The following LIMS1 variants were observed in gnomAD, a reference collection of about 807,000 sequenced individuals.
LIMS1 encodes the protein LIM zinc finger domain containing 1, also known as LIM and senescent cell antigen-like-containing domain protein 1.
LIMS1 carries 18 observed loss-of-function variants against 44.1 expected under a neutral mutation model. The observed-to-expected ratio is 0.41, with a 90% CI of 0.28 to 0.61. The LOEUF is 0.61. LIMS1 is among the 20% of genes least tolerant of loss of function. The probability of loss-of-function intolerance (pLI) is 0.32; values close to 1 mark genes in which losing one functional copy is unlikely to be tolerated. For missense variants in LIMS1, 201 were observed against 422.0 expected, an observed-to-expected ratio of 0.48 and a Z score of 4.59; for synonymous variants, 93 against 149.1, an observed-to-expected ratio of 0.62 and a Z score of 2.74.
chr2:108,618,430 G>GT (rs1292223980), intron 1 of LIMS1, among the ~76,000 whole-genome samples: 2 of 152,184 alleles, frequency 1.3e-5, no homozygotes, highest in Non-Finnish European at 2.9e-5. Flanking sequence ...TGTCCTGGGT[G>GT]TTTGCCCATC....
chr2:108,585,012 G>A (rs11895586), intron 1 of LIMS1, among the ~76,000 whole-genome samples: 13 of 152,006 alleles, frequency 8.6e-5, no homozygotes, highest in Non-Finnish European at 1.5e-4. Context: ...TTAGCCGAGC[G>A]TGGTGGCACG....
Position 108,557,579 on chromosome 2 carries a change from C to T in LIMS1, c.32+22985C>T, listed in dbSNP as rs148779522. On this transcript the variant is annotated intron_variant, in intron 1 of 9. Transcript: ENST00000544547. ...TTGCCCTGGCTAGAGTGCAGTGGCA[C>T]AATCTGGGCTCACTGCAACCTCTAC... is the stretch of plus-strand genomic sequence containing the variant. 3.2e-3 allele frequency among the ~76,000 whole-genome samples: 488 copies of T among 151,644 alleles called. 1 individual carries two copies. Among genetic ancestry groups the T allele is most frequent in the Non-Finnish European group, 5.2e-3 (354 of 67,932 alleles).
chr2:108,580,291 A>G (rs1685836929), intron 1 of LIMS1, among the ~76,000 whole-genome samples: 1 of 152,194 alleles, frequency 6.6e-6, no homozygotes, highest in African/African-American at 2.4e-5. Context: ...CTAGTCTTTG[A>G]GAAATAGTAT....
chr2:108,612,301 T>C (rs1465484417), intron 1 of LIMS1, among the ~76,000 whole-genome samples: 1 of 152,078 alleles, frequency 6.6e-6, no homozygotes, highest in Admixed American at 6.6e-5. Flanking sequence ...TGGTATGAAG[T>C]GTTCTCAGAG....
chr2:108,676,074 T>G, intron 6 of LIMS1, 46 bp downstream of exon 6: 1 of 1,563,722 alleles, frequency 6.4e-7, no homozygotes, highest in Non-Finnish European at 8.7e-7. Context: ...CAAATCTCCA[T>G]GATTAAGGGG....
intron 1 of LIMS1, among the ~76,000 whole-genome samples, chr2:108,643,691 G>A (rs59946778): frequency 0.41 from 62,146 of 151,584 alleles, 14,630 homozygotes; most frequent in East Asian, 0.94. Flanking sequence ...TGGAAAGGAG[G>A]GCTGAAGCCA....
intron 1 of LIMS1, among the ~76,000 whole-genome samples, chr2:108,546,140 C>G (rs567637220): frequency 1.3e-5 from 2 of 152,096 alleles, no homozygotes; most frequent in Non-Finnish European, 2.9e-5. Flanking sequence ...TCCAAAAGTA[C>G]ATTGTCTGTG....
In LIMS1 at chr2:108,611,854, T is replaced by TAC. The variant is rs1553459759; in HGVS notation, c.33-47745_33-47744dup. 2.4e-3 allele frequency among the ~76,000 whole-genome samples: 305 copies of TAC among 125,242 alleles called. 5 individuals are homozygous for TAC. The highest frequency in any genetic ancestry group is 7.2e-3 in the African/African-American group (266 of 36,700). The allele number at this position is 125,242 out of a possible 152,430, so 82.2% of individuals were successfully genotyped here. A position where few individuals can be genotyped will look rare whatever the true frequency, so the allele number is the denominator to read the frequency against. ...GATCTAAAATATATATATATATATATACACACATATATATACACATATATA... is the reference window on the plus strand; with the variant it reads ...GATCTAAAATATATATATATATATATACACACACATATATATACACATATATA... On this transcript the variant is annotated intron_variant, in intron 1 of 9. Coordinates refer to ENST00000544547, the Ensembl canonical transcript of LIMS1.
chr2:108,630,388 T>C (rs956217852), intron 1 of LIMS1, among the ~76,000 whole-genome samples: 6 of 152,156 alleles, frequency 3.9e-5, no homozygotes, highest in African/African-American at 1.4e-4. Flanking sequence ...GATCCAATGA[T>C]ACAATGTAGG....
intron 1 of LIMS1, among the ~76,000 whole-genome samples, chr2:108,657,365 A>G (rs1690948707): frequency 6.6e-6 from 1 of 152,424 alleles, no homozygotes; most frequent in South Asian, 2.1e-4. Context: ...GAGAGGGTTT[A>G]GAATTAACAA....
intron 8 of LIMS1, among the ~76,000 whole-genome samples, chr2:108,678,826 C>G (rs552102414): frequency 4.1e-4 from 63 of 152,232 alleles, no homozygotes; most frequent in Non-Finnish European, 7.9e-4. Flanking sequence ...AATTATTTAC[C>G]TAGTTCATAT....
intron 9 of LIMS1, among the ~76,000 whole-genome samples, chr2:108,682,577 C>T (rs956448755): frequency 6.6e-6 from 1 of 152,058 alleles, no homozygotes; most frequent in African/African-American, 2.4e-5. Flanking sequence ...TAATTTTTTT[C>T]TTTTATCAAA....
chr2:108,605,060 G>A (rs1258518269), intron 1 of LIMS1, among the ~76,000 whole-genome samples: 3 of 152,230 alleles, frequency 2.0e-5, no homozygotes, highest in Non-Finnish European at 4.4e-5. Flanking sequence ...ACAGGAATGT[G>A]TCTTGGGCTC....
intron 1 of LIMS1, among the ~76,000 whole-genome samples, chr2:108,613,651 G>A (rs1687778058): frequency 6.6e-6 from 1 of 152,130 alleles, no homozygotes; most frequent in African/African-American, 2.4e-5. Context: ...CAGAGAGAGG[G>A]GTCCTCAGCA....
chr2:108,676,434 A>T (rs11691112), intron 6 of LIMS1, among the ~76,000 whole-genome samples, 172 bp from the exon 7 acceptor site: 4 of 152,014 alleles, frequency 2.6e-5, no homozygotes, highest in Admixed American at 2.0e-4. Flanking sequence ...TCAAAGACAG[A>T]CACCTGAATT....
chr2:108,649,442 A>G (rs1478534827), intron 1 of LIMS1, among the ~76,000 whole-genome samples: 1 of 152,226 alleles, frequency 6.6e-6, no homozygotes, highest in Non-Finnish European at 1.5e-5. Context: ...CTAGAACTAG[A>G]AATACCATTT....
rs541044341 is a variant in LIMS1 at position 108,645,666 on chromosome 2, G to A, written c.33-13939G>A. 4.8e-3 allele frequency among the ~76,000 whole-genome samples: 736 copies of A among 152,214 alleles called. 8 individuals carry two copies. Among genetic ancestry groups the A allele is most frequent in the Middle Eastern group, 0.017 (5 of 294 alleles). ...CAATATTAACCTTAAATGTAAACGG[G>A]CTAAATGCCCCAATTAAAAGACACA... On this transcript the variant is annotated intron_variant, in intron 1 of 9. Coordinates refer to ENST00000544547, the Ensembl canonical transcript of LIMS1.
chr2:108,663,367 T>C (rs1321940157), intron 2 of LIMS1, among the ~76,000 whole-genome samples: 1 of 152,148 alleles, frequency 6.6e-6, no homozygotes, highest in African/African-American at 2.4e-5. Flanking sequence ...AGTGATTAGA[T>C]GCCATTTACC....
In LIMS1 at chr2:108,618,564, C is replaced by T. The variant is rs189862951; in HGVS notation, c.33-41041C>T. Among the ~76,000 whole-genome samples, 466 of 152,242 alleles carry T rather than the reference C, an allele frequency of 3.1e-3. 1 individual carries two copies. Among genetic ancestry groups the T allele is most frequent in the Non-Finnish European group, 5.6e-3 (382 of 68,020 alleles). On this transcript the variant is annotated intron_variant, in intron 1 of 9. Transcript: ENST00000544547. ...TGGTTAGGCGGGGCACGGTGGCTCA[C>T]GCCTGTAATCCCAGCCCGTTGGGAG...
Sources: gnomAD v4.1 joint callset for allele counts (sites outside exome capture counted in the v4.1 genomes callset) on GRCh38, gnomAD v4.1.1 for gene constraint, MANE v1.5 for transcripts, NCBI Gene and HGNC (gene_info 2026-07-23, HGNC 2026-07-21) for gene names.